The following PPP1R12A variants were observed in gnomAD, a reference collection of about 807,000 sequenced individuals.
PPP1R12A encodes protein phosphatase 1 regulatory subunit 12A.
In PPP1R12A, 19 loss-of-function variants were observed where a neutral mutation model predicts 139.6. The ratio of observed to expected loss-of-function variants is 0.14; its 90% CI spans 0.09 to 0.20. The LOEUF is 0.20. Among genes scored for constraint, PPP1R12A ranks in the 10% least tolerant of loss-of-function variants. The pLI is 1.00. For missense variants in PPP1R12A, 925 were observed against 1,211.5 expected, an observed-to-expected ratio of 0.76 and a Z score of 3.51; for synonymous variants, 427 against 420.6, an observed-to-expected ratio of 1.02 and a Z score of -0.19.
chr12:79,835,457 C>A (rs1877959637), intron 3 of PPP1R12A, among the ~76,000 whole-genome samples: 1 of 151,948 alleles, frequency 6.6e-6, no homozygotes, highest in Non-Finnish European at 1.5e-5. Flanking sequence ...AGAAGCCTGA[C>A]TAATACACCA....
intron 10 of PPP1R12A, 50 bp from the exon 11 acceptor site, chr12:79,808,627 T>C (rs764576530): frequency 1.6e-5 from 16 of 996,576 alleles, no homozygotes; most frequent in Middle Eastern, 2.1e-4. Context: ...GTACTGACTA[T>C]AGGCAATGCT....
In PPP1R12A at chr12:79,792,461, ATTG is replaced by A. The variant is rs761378437; in HGVS notation, c.2649+1399_2649+1401del. ...TAATCCAGTTTGACTTAGGTTTCAT[ATTG>A]TTATTTATATTTGTTATATTTATTT... On this transcript the variant is annotated intron_variant, in intron 19 of 24. Transcript: ENST00000450142. Among the ~76,000 whole-genome samples the A allele has an allele frequency of 7.2e-5, 11 of 152,270 alleles. No individual in the cohort carries two copies. The South Asian group carries it at 1.0e-3, about 14-fold the overall frequency.
intron 1 of PPP1R12A, among the ~76,000 whole-genome samples, chr12:79,903,149 A>G (rs1192494649): frequency 6.6e-6 from 1 of 152,078 alleles, no homozygotes; most frequent in Non-Finnish European, 1.5e-5. Flanking sequence ...TCATGCACAA[A>G]ATTATTAAAA....
intron 14 of PPP1R12A, among the ~76,000 whole-genome samples, chr12:79,805,169 G>T (rs963216779): frequency 1.3e-5 from 2 of 152,060 alleles, no homozygotes; most frequent in Non-Finnish European, 2.9e-5. Context: ...AAATCAACAG[G>T]AACAAAACAG....
Position 79,775,917 on chromosome 12 carries a change from CTTT to C in PPP1R12A, c.*9_*11del, listed in dbSNP as rs369362742. ...ATATGTGCAATTCCATTACTTGCTG[CTTT>C]TTTTTTTTTTATTTGGAAAGTTTGC... is the stretch of plus-strand genomic sequence containing the variant. On this transcript the variant is annotated 3_prime_UTR_variant, in exon 25 of 25. Coordinates refer to ENST00000450142, the MANE Select transcript of PPP1R12A (RefSeq NM_002480.3). 88 of 1,302,734 alleles carry C rather than the reference CTTT, an allele frequency of 6.8e-5. No individual in the cohort carries two copies. Among genetic ancestry groups the C allele is most frequent in the Admixed American group, 2.6e-4 (12 of 45,638 alleles). 80.7% of individuals were successfully genotyped at this position (1,302,734 alleles called of 1,614,324 possible).
intron 2 of PPP1R12A, among the ~76,000 whole-genome samples, chr12:79,862,342 A>G (rs548676300): frequency 6.6e-6 from 1 of 152,334 alleles, no homozygotes; most frequent in East Asian, 1.9e-4. Context: ...AAGGTAGATA[A>G]AACCACAAAG....
intron 20 of PPP1R12A, chr12:79,789,795 T>A (rs200875061): frequency 7.7e-5 from 24 of 311,762 alleles, no homozygotes; most frequent in South Asian, 1.9e-4. Flanking sequence ...TTTTTTTTTT[T>A]AAAGACACAG....
intron 1 of PPP1R12A, among the ~76,000 whole-genome samples, chr12:79,921,818 T>C (rs1233393462): frequency 6.6e-6 from 1 of 152,234 alleles, no homozygotes; most frequent in Non-Finnish European, 1.5e-5. Context: ...TTCAAAATTT[T>C]CAAACATTAG....
At chr12:79,785,772 TGAG>T (rs1229854239) in intron 22 of PPP1R12A, among the ~76,000 whole-genome samples, 2 of 152,060 alleles carry the variant, frequency 1.3e-5, no homozygotes, top group East Asian at 3.9e-4. Context: ...AGGAGGGAAA[TGAG>T]GAGAAGATGT....
At chr12:79,778,308 C>T (rs545918228) in intron 24 of PPP1R12A, 5 of 283,936 alleles carry the variant, frequency 1.8e-5, no homozygotes, top group East Asian at 5.7e-5. Context: ...CAAAATAATT[C>T]GGGTTTTATT....
At chr12:79,912,216 C>T (rs1023350461) in intron 1 of PPP1R12A, among the ~76,000 whole-genome samples, 7 of 152,218 alleles carry the variant, frequency 4.6e-5, no homozygotes, top group African/African-American at 1.7e-4. Flanking sequence ...CTTTCACAGA[C>T]TCCATCCAAA....
intron 2 of PPP1R12A, among the ~76,000 whole-genome samples, chr12:79,866,289 C>A (rs1023438618): frequency 6.6e-6 from 1 of 152,082 alleles, no homozygotes; most frequent in Admixed American, 6.6e-5. Flanking sequence ...TGAAACTAGA[C>A]CACTTCTTTA....
intron 14 of PPP1R12A, among the ~76,000 whole-genome samples, chr12:79,804,288 A>C (rs1336328443): frequency 2.6e-5 from 4 of 152,136 alleles, no homozygotes; most frequent in Non-Finnish European, 4.4e-5. Flanking sequence ...GCACTACAAC[A>C]ACCTAAAACT....
intron 1 of PPP1R12A, among the ~76,000 whole-genome samples, chr12:79,910,491 A>G (rs563085652): frequency 6.6e-6 from 1 of 152,040 alleles, no homozygotes; most frequent in African/African-American, 2.4e-5. Context: ...ATAAATAAAT[A>G]AATAAATAGA....
chr12:79,775,672 A>C lies in PPP1R12A; in HGVS notation c.*257T>G, dbSNP rs1206711904. 2 of 262,192 alleles carry C rather than the reference A, an allele frequency of 7.6e-6. No homozygotes were observed. Among genetic ancestry groups the C allele is most frequent in the Non-Finnish European group, 1.4e-5 (2 of 139,516 alleles). The allele number at this position is 262,192 out of a possible 1,614,324, so 16.2% of individuals were successfully genotyped here. On this transcript the variant is annotated 3_prime_UTR_variant, in exon 25 of 25. Transcript: ENST00000450142. ...AACAAGTTTTCTCAGTCATTAAAAA[A>C]AAATCTTCTCAGCAGCTGCATTAAC...
intron 1 of PPP1R12A, among the ~76,000 whole-genome samples, chr12:79,911,078 A>T (rs577859362): frequency 6.6e-6 from 1 of 152,166 alleles, no homozygotes; most frequent in Admixed American, 6.5e-5. Flanking sequence ...TAACCTATTT[A>T]CCCCTACTAC....
intron 3 of PPP1R12A, among the ~76,000 whole-genome samples, chr12:79,843,043 GT>G (rs1462191882): frequency 1.3e-5 from 2 of 151,852 alleles, no homozygotes; most frequent in Non-Finnish European, 2.9e-5. Flanking sequence ...AGAATCATTT[GT>G]TTTTGGTTTT....
At chr12:79,919,786 AG>A (rs1489871807) in intron 1 of PPP1R12A, among the ~76,000 whole-genome samples, 2 of 152,164 alleles carry the variant, frequency 1.3e-5, no homozygotes, top group Non-Finnish European at 2.9e-5. Context: ...GCCTAGGCTG[AG>A]GCTGGGGGAC....
chr12:79,811,294 A>G (rs1345147247), intron 9 of PPP1R12A, among the ~76,000 whole-genome samples: 5 of 152,216 alleles, frequency 3.3e-5, no homozygotes, highest in Non-Finnish European at 7.3e-5. Flanking sequence ...TACTTCCAGT[A>G]ATGAATTGCT....
Sources: allele counts gnomAD v4.1 joint callset (sites outside exome capture counted in the v4.1 genomes callset), GRCh38; gene constraint gnomAD v4.1.1; transcripts MANE v1.5; gene names NCBI Gene and HGNC (gene_info 2026-07-23, HGNC 2026-07-21).